LMNB2: variants seen among roughly 807,000 people sequenced by gnomAD.
LMNB2 encodes the protein lamin-B2.
A neutral mutation model predicts 69.3 loss-of-function variants in LMNB2; 17 were observed. The ratio of observed to expected loss-of-function variants is 0.25; its 90% confidence interval spans 0.17 to 0.37. The LOEUF is 0.37. Among genes scored for constraint, LMNB2 ranks in the 10% least tolerant of loss-of-function variants. LMNB2 has a pLI of 1.00. For synonymous variants in LMNB2, 397 were observed against 389.3 expected (o/e 1.02, Z -0.23); for missense variants, 789 against 883.6 (o/e 0.89, Z 1.36).
chr19:2,455,153 A>G (rs1030341120), intron 1 of LMNB2, among the ~76,000 whole-genome samples: 3 of 151,868 alleles, frequency 2.0e-5, no homozygotes, highest in Admixed American at 2.0e-4. Context: ...CTGGTGAGAG[A>G]TGAGGGGCCT....
chr19:2,441,442 T>C (rs935171638), intron 2 of LMNB2, among the ~76,000 whole-genome samples: 2 of 152,188 alleles, frequency 1.3e-5, no homozygotes, highest in African/African-American at 4.8e-5. Flanking sequence ...CTTCCCCACA[T>C]GGAGCAGATC....
Position 2,438,421 on chromosome 19 carries a change from C to T in LMNB2, c.512G>A (p.Arg171His), listed in dbSNP as rs776205964. ...VELAAALSDK[R>H]GLESDVAELR... ...CTCAGCCACGTCACTCTCCAGGCCG[C>T]GCTTGTCGCTGAGGGCAGCTGCCAG... Residue 171 changes from arginine to histidine, a missense_variant, in exon 3 of 12, where the codon CGC becomes CAC. This residue lies in a region of LMNB2 where 145 missense variants were observed against 228.9 expected (regional missense o/e 0.63). Transcript: ENST00000325327. 29 of 1,612,650 alleles carry T rather than the reference C, an allele frequency of 1.8e-5. No homozygotes were observed. The highest frequency in any genetic ancestry group is 1.8e-4 in the East Asian group (8 of 44,880).
In LMNB2 at chr19:2,432,492, C is replaced by G; in HGVS notation, c.1514G>C (p.Arg505Thr). ...GATCTCCTCCCCCTCCAAGACCTGC[C>G]TCTTGATTCTCCAGTTCCCCAGAGA... ...DQSLGNWRIK[R>T]QVLEGEEIAY... The change falls in exon 9 of 12, where the codon AGG becomes ACG. Residue 505 changes from arginine to threonine, a missense_variant. Transcript: ENST00000325327. The G allele has an allele frequency of 1.2e-6, 2 of 1,613,942 alleles. No homozygotes were observed. The highest frequency in any genetic ancestry group is 1.7e-5 in the Admixed American group (1 of 60,004).
Position 2,438,601 on chromosome 19 carries a change from GCGT to G in LMNB2, c.402-73_402-71del, listed in dbSNP as rs1343065100. 1.9e-6 allele frequency: 3 copies of G among 1,556,818 alleles called. No individual in the cohort carries two copies. The African/African-American group carries it at 4.1e-5, about 21-fold the overall frequency. On this transcript the variant is annotated intron_variant, in intron 2 of 11. Coordinates refer to ENST00000325327, the MANE Select transcript of LMNB2 (RefSeq NM_032737.4). ...GGGGCCACAGGGAGCACCTCAGGGG[GCGT>G]CAGGCAAGCCCAAAGACAAGGTCAC...
At chr19:2,445,455 G>A (rs1004005700) in intron 1 of LMNB2, among the ~76,000 whole-genome samples, 4 of 152,128 alleles carry the variant, frequency 2.6e-5, no homozygotes, top group Non-Finnish European at 1.5e-5. Flanking sequence ...GTGGTGGCTC[G>A]GAGGCTCCAG....
At chr19:2,455,790 G>C (rs1972080107) in intron 1 of LMNB2, among the ~76,000 whole-genome samples, 1 of 151,326 alleles carries the variant, frequency 6.6e-6, no homozygotes, top group African/African-American at 2.4e-5. Context: ...GGCCTGCCCA[G>C]GTGGCACCCC....
intron 2 of LMNB2, among the ~76,000 whole-genome samples, chr19:2,442,991 G>A (rs993280738): frequency 3.3e-5 from 5 of 152,282 alleles, no homozygotes; most frequent in Non-Finnish European, 7.4e-5. Context: ...TCAGAGCTCC[G>A]TGCACCCCTG....
chr19:2,449,055 T>A (rs754028370), intron 1 of LMNB2, among the ~76,000 whole-genome samples: 30 of 152,202 alleles, frequency 2.0e-4, no homozygotes, highest in Non-Finnish European at 4.3e-4. Context: ...TATGCCTGCC[T>A]AATTAGTTTC....
chr19:2,444,162 G>C (rs141649354), intron 2 of LMNB2, among the ~76,000 whole-genome samples: 275 of 152,336 alleles, frequency 1.8e-3, no homozygotes, highest in African/African-American at 6.4e-3. Flanking sequence ...GCTCGCGGGA[G>C]ATTTTACTTG....
At chr19:2,444,669 T>TG (rs2145463025) in intron 1 of LMNB2, 129 bp from the exon 2 acceptor site, 1 of 1,188,746 alleles carries the variant, frequency 8.4e-7, no homozygotes, top group Non-Finnish European at 1.2e-6. Context: ...GATGGCAGCC[T>TG]GGGGACACTG....
chr19:2,434,297 C>G lies in LMNB2; in HGVS notation c.1200G>C (p.Glu400Asp), dbSNP rs764433406. 3 of 1,612,736 alleles carry G rather than the reference C, an allele frequency of 1.9e-6. No homozygotes were observed. Among genetic ancestry groups the G allele is most frequent in the Non-Finnish European group, 2.5e-6 (3 of 1,179,932 alleles). ...AYRKLLEGEEERLKLSPSPSS... is the reference protein window; with the variant it reads ...AYRKLLEGEEDRLKLSPSPSS... ...CCAAGCCTCCTGGCCTGCCGCACCT[C>G]TCCTCCTCGCCCTCCAGGAGCTTCC... The change falls in exon 7 of 12, where the codon GAG (glutamate) becomes GAC (aspartate). Residue 400 changes from glutamate (E) to aspartate (D), a missense_variant and splice_region_variant. This residue lies in a region of LMNB2 where 609 missense variants were observed against 630.9 expected (regional missense o/e 0.97). Transcript: ENST00000325327.
At position 2,443,646 on chromosome 19, in the gene LMNB2, C is replaced by T. The variant is rs944870978; in HGVS notation, c.401+758G>A. Among the ~76,000 whole-genome samples, 3 of 152,166 alleles carry T rather than the reference C, an allele frequency of 2.0e-5. No homozygotes were observed. The highest frequency in any genetic ancestry group is 2.1e-4 in the South Asian group (1 of 4,834). The stretch of plus-strand genomic sequence containing the variant: ...CCTGAATGCCGGTGGCCGGAGACCA[C>T]GGAAGACAGTGTCCACACGCAGGGC... On this transcript the variant is annotated intron_variant, in intron 2 of 11. Coordinates refer to ENST00000325327, the MANE Select transcript of LMNB2 (RefSeq NM_032737.4). The surrounding 1 kb of genome is among the most constrained non-coding windows in gnomAD (Gnocchi z 6.2).
Position 2,431,845 on chromosome 19 carries a change from C to T in LMNB2, c.1648G>A (p.Gly550Ser). 6.2e-7 allele frequency: 1 copy of T among 1,613,504 alleles called. No homozygotes were observed. Among genetic ancestry groups the T allele is most frequent in the Non-Finnish European group, 8.5e-7 (1 of 1,179,932 alleles). Residue 550 changes from glycine to serine, a missense_variant, in exon 10 of 12, where the codon GGC (glycine) becomes AGC (serine). Coordinates refer to ENST00000325327, the MANE Select transcript of LMNB2 (RefSeq NM_032737.4). Reference sequence around the variant, plus strand: ...TCGCCCGTGCCCCAGCTGCTCTGGCCCTTCCACACCAGCGTCGAGGGGGGG... The same window carrying T: ...TCGCCCGTGCCCCAGCTGCTCTGGCTCTTCCACACCAGCGTCGAGGGGGGG... ...HSPPSTLVWK[G>S]QSSWGTGESF...
rs545642790 is a variant in LMNB2, at chr19:2,434,761, G to C, written c.981+27C>G. 4.4e-6 allele frequency: 7 copies of C among 1,588,830 alleles called. No homozygotes were observed. The South Asian group carries it at 7.9e-5, about 18-fold the overall frequency. ...GGCCCAGAAGTTGGGCCAGGGGGACGGCAGACGGTGGCGCTGTGCTCATCA... is the reference window on the plus strand; with the variant it reads ...GGCCCAGAAGTTGGGCCAGGGGGACCGCAGACGGTGGCGCTGTGCTCATCA... On this transcript the variant is annotated intron_variant, in intron 6 of 11. Coordinates refer to ENST00000325327, the MANE Select transcript of LMNB2 (RefSeq NM_032737.4).
At position 2,434,435 on chromosome 19, in the gene LMNB2, G is replaced by T; in HGVS notation, c.1062C>A (p.Asp354Glu). ...TCTCCGTCATCTCCTGCTCCTTGGCGTCCAGCATCTTCCGGAACTTGTCCC... is the reference window on the plus strand; with the variant it reads ...TCTCCGTCATCTCCTGCTCCTTGGCTTCCAGCATCTTCCGGAACTTGTCCC... ...GERDKFRKML[D>E]AKEQEMTEMR... is the part of the protein sequence containing the mutation. Residue 354 changes from aspartate (D) to glutamate (E), a missense_variant, in exon 7 of 12, where the codon GAC becomes GAA. Transcript: ENST00000325327. 2 of 1,613,458 alleles carry T rather than the reference G, an allele frequency of 1.2e-6. No individual in the cohort carries two copies. The highest frequency in any genetic ancestry group is 1.7e-6 in the Non-Finnish European group (2 of 1,179,976).
intron 1 of LMNB2, among the ~76,000 whole-genome samples, chr19:2,450,776 C>T (rs62119876): frequency 2.6e-5 from 4 of 151,776 alleles, no homozygotes; most frequent in East Asian, 2.0e-4. Context: ...GGACTATAGC[C>T]GTGCACCACC....
At chr19:2,434,721 G>A (rs1286870737) in intron 6 of LMNB2, 67 bp downstream of exon 6, 14 of 1,550,018 alleles carry the variant, frequency 9.0e-6, no homozygotes, top group East Asian at 4.8e-5. Flanking sequence ...CCCACGCCCC[G>A]CACATCCAGG....
intron 1 of LMNB2, among the ~76,000 whole-genome samples, chr19:2,456,316 GTCC>G (rs1972087996): frequency 1.6e-5 from 2 of 128,084 alleles, no homozygotes; most frequent in Non-Finnish European, 3.4e-5. Context: ...GCCGGAGCCT[GTCC>G]CCGTCTGCAC....
rs2288944 is a variant in LMNB2 at position 2,438,803 on chromosome 19, T to C, written c.402-272A>G. On this transcript the variant is annotated intron_variant, in intron 2 of 11. Transcript: ENST00000325327. ...ATGGGCTTTCCCAGCCTCTCCTGCCTGTTCTGGACCCAGGACGACCATTTG... is the reference window on the plus strand; with the variant it reads ...ATGGGCTTTCCCAGCCTCTCCTGCCCGTTCTGGACCCAGGACGACCATTTG... Among the ~76,000 whole-genome samples the C allele has an allele frequency of 0.38, 57,522 of 152,060 alleles. 11,589 individuals carry two copies. Among genetic ancestry groups the C allele is most frequent in the African/African-American group, 0.53 (22,047 of 41,456 alleles).
Sources: allele counts gnomAD v4.1 joint callset (sites outside exome capture counted in the v4.1 genomes callset), GRCh38; gene constraint gnomAD v4.1.1; regional missense constraint gnomAD v4.1.1; non-coding constraint Gnocchi (gnomAD v3.1); transcripts MANE v1.5; gene names NCBI Gene and HGNC (gene_info 2026-07-23, HGNC 2026-07-21).